PAPSS1: variants seen among roughly 807,000 people sequenced by gnomAD.
The protein encoded by PAPSS1 is 3'-phosphoadenosine 5'-phosphosulfate synthase 1.
PAPSS1 carries 50 observed loss-of-function variants against 72.0 expected under a neutral mutation model. That is an observed-to-expected ratio of 0.69 (90% CI 0.55 to 0.88). The LOEUF is 0.88. PAPSS1 is among the 40% of genes least tolerant of loss of function. The pLI is 0.00. For synonymous variants in PAPSS1, 261 were observed against 263.6 expected (o/e 0.99, Z 0.09); for missense variants, 657 against 782.2 (o/e 0.84, Z 1.91).
intron 5 of PAPSS1, among the ~76,000 whole-genome samples, chr4:107,673,116 CAG>C (rs1168055090): frequency 2.6e-5 from 4 of 152,166 alleles, no homozygotes; most frequent in Non-Finnish European, 4.4e-5. Flanking sequence ...GGGGAAAAAA[CAG>C]AGCAGAAAAA....
chr4:107,716,050 G>A (rs1389185510), intron 1 of PAPSS1, among the ~76,000 whole-genome samples: 1 of 152,274 alleles, frequency 6.6e-6, no homozygotes, highest in Non-Finnish European at 1.5e-5. Flanking sequence ...AGATACTAAT[G>A]AATTATCTAA....
At chr4:107,677,729 A>T (rs927598383) in intron 5 of PAPSS1, among the ~76,000 whole-genome samples, 2 of 152,258 alleles carry the variant, frequency 1.3e-5, no homozygotes, top group African/African-American at 4.8e-5. Flanking sequence ...ATAAAGACAC[A>T]TGTACACGTA....
chr4:107,672,112 A>G (rs1727490097), intron 5 of PAPSS1, among the ~76,000 whole-genome samples: 1 of 152,244 alleles, frequency 6.6e-6, no homozygotes, highest in Admixed American at 6.5e-5. Context: ...GAATAGGAAC[A>G]GCTCCAGTCT....
At chr4:107,665,052 T>C (rs1342083986) in intron 5 of PAPSS1, among the ~76,000 whole-genome samples, 3 of 152,188 alleles carry the variant, frequency 2.0e-5, no homozygotes, top group Non-Finnish European at 1.5e-5. Flanking sequence ...ATTCGAAAGG[T>C]TGCTACTGTT....
intron 11 of PAPSS1, among the ~76,000 whole-genome samples, chr4:107,630,367 G>C (rs1726198239): frequency 6.6e-6 from 1 of 152,178 alleles, no homozygotes; most frequent in Admixed American, 6.5e-5. Context: ...GGAGGAACCT[G>C]GTGGAAGGTG....
At chr4:107,646,975 C>A (rs59528443) in intron 9 of PAPSS1, among the ~76,000 whole-genome samples, 5,319 of 152,220 alleles carry the variant, frequency 0.035, 279 homozygotes, top group African/African-American at 0.12. Flanking sequence ...GCACACTCAG[C>A]CTTCATCATC....
intron 1 of PAPSS1, among the ~76,000 whole-genome samples, chr4:107,706,280 T>C (rs957690788): frequency 2.0e-5 from 3 of 152,336 alleles, no homozygotes; most frequent in African/African-American, 7.2e-5. Context: ...TTTTGTACTT[T>C]TGATGCTGTC....
At chr4:107,663,743 A>G (rs572415555) in intron 5 of PAPSS1, among the ~76,000 whole-genome samples, 2 of 152,344 alleles carry the variant, frequency 1.3e-5, no homozygotes, top group African/African-American at 4.8e-5. Flanking sequence ...ATCAACTCAT[A>G]GAATCCTCTG....
chr4:107,623,075 T>C (rs1726009823), intron 11 of PAPSS1, among the ~76,000 whole-genome samples: 1 of 152,232 alleles, frequency 6.6e-6, no homozygotes, highest in Admixed American at 6.5e-5. Context: ...ACCCATATGA[T>C]ACTGATACAT....
chr4:107,632,187 C>T (rs1726241290), intron 10 of PAPSS1, among the ~76,000 whole-genome samples: 1 of 152,028 alleles, frequency 6.6e-6, no homozygotes, highest in African/African-American at 2.4e-5. Flanking sequence ...TTACACAGCT[C>T]AAAATCTAAT....
intron 11 of PAPSS1, among the ~76,000 whole-genome samples, chr4:107,621,659 C>A (rs539565573): frequency 9.6e-6 from 1 of 104,286 alleles, no homozygotes; most frequent in Admixed American, 1.5e-4. Context: ...CTTGCTCTGT[C>A]ACCCAGGCTG....
At chr4:107,651,100 GC>G (rs1391198931) in intron 9 of PAPSS1, among the ~76,000 whole-genome samples, 1 of 152,192 alleles carries the variant, frequency 6.6e-6, no homozygotes, top group Non-Finnish European at 1.5e-5. Flanking sequence ...ACCAAGTATA[GC>G]ACTCAAAGAA....
At chr4:107,632,750 T>G (rs148332954) in intron 10 of PAPSS1, among the ~76,000 whole-genome samples, 7 of 152,338 alleles carry the variant, frequency 4.6e-5, no homozygotes, top group African/African-American at 1.7e-4. Context: ...CAATAAAGTT[T>G]AGGATAAACT....
chr4:107,654,876 G>C lies in PAPSS1; in HGVS notation c.920C>G (p.Pro307Arg). The C allele has an allele frequency of 6.2e-7, 1 of 1,613,634 alleles. No homozygotes were observed. Among genetic ancestry groups the C allele is most frequent in the Non-Finnish European group, 8.5e-7 (1 of 1,179,716 alleles). ...LDGGVINLSV[P>R]IVLTATHEDK... The stretch of plus-strand genomic sequence containing the variant: ...TTCATGAGTCGCAGTCAGAACTATA[G>C]GTACTGACAAGTTAATGACACCTCC... The change falls in exon 8 of 12, where the codon CCT becomes CGT. Residue 307 changes from proline (P) to arginine (R), a missense_variant. Around this residue, in one of 7 missense-constraint regions of PAPSS1, gnomAD observed 190 missense variants for 176.7 expected, o/e 1.07. Coordinates refer to ENST00000265174, the MANE Select transcript of PAPSS1 (RefSeq NM_005443.5).
At position 107,682,223 on chromosome 4, in the gene PAPSS1, A is replaced by G. The variant is rs1578419208; in HGVS notation, c.551-90T>C. ...TGCAGATCTCTGCTACATTGAAGTT[A>G]GTATCTGCGCTGTCCCCCAAGCCAC... is the stretch of plus-strand genomic sequence containing the variant. On this transcript the variant is annotated intron_variant, in intron 4 of 11. Coordinates refer to ENST00000265174, the MANE Select transcript of PAPSS1 (RefSeq NM_005443.5). 12 of 649,546 alleles carry G rather than the reference A, an allele frequency of 1.8e-5. No homozygotes were observed. The East Asian group carries it at 3.2e-4, about 18-fold the overall frequency. The allele number at this position is 649,546 out of a possible 1,614,324, so 40.2% of individuals were successfully genotyped here.
chr4:107,709,944 G>C lies in PAPSS1; in HGVS notation c.61-8659C>G, dbSNP rs78136860. On this transcript the variant is annotated intron_variant, in intron 1 of 11. Coordinates refer to ENST00000265174, the MANE Select transcript of PAPSS1 (RefSeq NM_005443.5). ...ACCCTGTCTTGATAAATTTGCCTGT[G>C]GGCAGCAGGCAAAATGAACGCATTG... 7.1e-3 allele frequency among the ~76,000 whole-genome samples: 1,085 copies of C among 152,276 alleles called. 16 individuals carry two copies. Among genetic ancestry groups the C allele is most frequent in the African/African-American group, 0.025 (1,042 of 41,544 alleles).
intron 5 of PAPSS1, among the ~76,000 whole-genome samples, chr4:107,667,778 G>A: frequency 6.6e-6 from 1 of 152,086 alleles, no homozygotes; most frequent in Non-Finnish European, 1.5e-5. Context: ...AATTCATTAG[G>A]CAAAATGTGC....
intron 5 of PAPSS1, among the ~76,000 whole-genome samples, chr4:107,676,937 C>T (rs908336384): frequency 1.4e-4 from 21 of 152,126 alleles, no homozygotes; most frequent in African/African-American, 1.2e-4. Context: ...AATGGGGAAA[C>T]GATTCCCTAT....
At chr4:107,718,256 C>A (rs1464390305) in intron 1 of PAPSS1, 2 of 152,174 alleles carry the variant, frequency 1.3e-5, no homozygotes, top group Non-Finnish European at 2.9e-5. Flanking sequence ...ATTCTAGCCC[C>A]ATCAAAAATC....
Sources: allele counts gnomAD v4.1 joint callset (sites outside exome capture counted in the v4.1 genomes callset), GRCh38; gene constraint gnomAD v4.1.1; regional missense constraint gnomAD v4.1.1; transcripts MANE v1.5; gene names NCBI Gene and HGNC (gene_info 2026-07-23, HGNC 2026-07-21).